The following C1orf87 variants were observed in gnomAD, a reference collection of about 807,000 sequenced individuals.
C1orf87 encodes chromosome 1 open reading frame 87.
C1orf87 carries 58 observed loss-of-function variants against 60.5 expected under a neutral mutation model. The observed-to-expected ratio is 0.96, with a 90% confidence interval of 0.78 to 1.19. The LOEUF (loss-of-function observed/expected upper bound fraction) is 1.19, where lower values mean the gene tolerates loss of function less well. Among genes scored for constraint, C1orf87 ranks in the 50% most tolerant of loss-of-function variants. The probability of loss-of-function intolerance (pLI) is 0.00; values close to 1 mark genes in which losing one functional copy is unlikely to be tolerated. For missense variants in C1orf87, 673 were observed against 638.6 expected, an observed-to-expected ratio of 1.05 and a Z score of -0.58; for synonymous variants, 236 against 227.4, an observed-to-expected ratio of 1.04 and a Z score of -0.34.
rs1324756443 is a variant in C1orf87, at chr1:60,073,760, C to G, written c.-98G>C. The G allele has an allele frequency of 6.6e-6, 1 of 152,422 alleles. No homozygotes were observed. The highest frequency in any genetic ancestry group is 1.5e-5 in the Non-Finnish European group (1 of 68,196). 9.4% of individuals were successfully genotyped at this position (152,422 alleles called of 1,614,324 possible). ...CGTGCTTCTCCCCAGGAAGCTGACA[C>G]TCTCAGACCCGGGGACGGGACGGGG... On this transcript the variant is annotated 5_prime_UTR_variant, in exon 1 of 12. Transcript: ENST00000371201.
chr1:60,014,233 T>C (rs758644030), intron 8 of C1orf87, among the ~76,000 whole-genome samples: 4 of 152,052 alleles, frequency 2.6e-5, no homozygotes, highest in Non-Finnish European at 4.4e-5. Flanking sequence ...ACTTGTGTAA[T>C]TTTCTGGTTG....
chr1:60,040,781 T>G (rs1645317866), intron 4 of C1orf87, among the ~76,000 whole-genome samples: 2 of 144,586 alleles, frequency 1.4e-5, no homozygotes, highest in Non-Finnish European at 1.5e-5. Flanking sequence ...TTTGTAGAGA[T>G]GGGGTCTCAC....
chr1:60,069,252 C>T (rs1384006750), intron 2 of C1orf87, among the ~76,000 whole-genome samples: 1 of 152,084 alleles, frequency 6.6e-6, no homozygotes, highest in Non-Finnish European at 1.5e-5. Flanking sequence ...TGGGGCTTCT[C>T]AAACTGGAAT....
intron 9 of C1orf87, among the ~76,000 whole-genome samples, chr1:60,006,770 A>T (rs1479909263): frequency 1.3e-5 from 2 of 151,974 alleles, no homozygotes; most frequent in Non-Finnish European, 2.9e-5. Context: ...TATTTCTTAG[A>T]TCTGTGGCTT....
chr1:60,027,934 A>G (rs1421640116), intron 7 of C1orf87, among the ~76,000 whole-genome samples: 1 of 152,162 alleles, frequency 6.6e-6, no homozygotes, highest in Non-Finnish European at 1.5e-5. Flanking sequence ...TTTGTTGAGC[A>G]TTTCTACAAG....
chr1:60,053,182 A>G (rs867315863), intron 3 of C1orf87, among the ~76,000 whole-genome samples: 6 of 152,254 alleles, frequency 3.9e-5, no homozygotes, highest in African/African-American at 1.4e-4. Flanking sequence ...ACAGATGTCT[A>G]TATATAAGAG....
chr1:60,057,388 TG>T, intron 2 of C1orf87, among the ~76,000 whole-genome samples: 1 of 152,230 alleles, frequency 6.6e-6, no homozygotes, highest in East Asian at 1.9e-4. Flanking sequence ...TGAAGAAGTT[TG>T]GCTGCAAGAA....
intron 8 of C1orf87, among the ~76,000 whole-genome samples, chr1:60,021,610 T>A (rs912432784): frequency 2.0e-5 from 3 of 152,156 alleles, no homozygotes; most frequent in African/African-American, 7.2e-5. Context: ...CAATAAATAT[T>A]TATTGAGAAC....
At chr1:60,045,645 A>C (rs1318082634) in intron 3 of C1orf87, among the ~76,000 whole-genome samples, 1 of 152,164 alleles carries the variant, frequency 6.6e-6, no homozygotes, top group African/African-American at 2.4e-5. Flanking sequence ...TTTCATCCAC[A>C]TTATTTCAGC....
At chr1:60,057,087 G>A (rs1254104175) in intron 2 of C1orf87, among the ~76,000 whole-genome samples, 2 of 152,122 alleles carry the variant, frequency 1.3e-5, no homozygotes, top group African/African-American at 2.4e-5. Flanking sequence ...GGAAAGATGA[G>A]CCTTAAAAAG....
At chr1:60,042,569 G>A (rs1283340198) in intron 3 of C1orf87, among the ~76,000 whole-genome samples, 2 of 152,176 alleles carry the variant, frequency 1.3e-5, no homozygotes, top group Non-Finnish European at 2.9e-5. Context: ...GTTCTGAATA[G>A]GCATAAAAAT....
intron 11 of C1orf87, among the ~76,000 whole-genome samples, chr1:59,994,280 AAT>A (rs200640131): frequency 0.017 from 2,565 of 151,464 alleles, 35 homozygotes; most frequent in East Asian, 0.042. Flanking sequence ...TAAAAAAAAA[AAT>A]CAAGCAAAAT....
At chr1:60,066,803 T>C (rs1213430682) in intron 2 of C1orf87, among the ~76,000 whole-genome samples, 4 of 152,096 alleles carry the variant, frequency 2.6e-5, no homozygotes, top group Non-Finnish European at 5.9e-5. Flanking sequence ...ATTAGGTATT[T>C]CTTCTAATGT....
At chr1:60,013,137 C>T (rs1185134164) in intron 8 of C1orf87, among the ~76,000 whole-genome samples, 2 of 152,104 alleles carry the variant, frequency 1.3e-5, no homozygotes, top group Non-Finnish European at 2.9e-5. Context: ...ATTTAGCTTA[C>T]ATCACACTGA....
intron 7 of C1orf87, among the ~76,000 whole-genome samples, chr1:60,032,109 A>G (rs1645242343): frequency 1.3e-5 from 2 of 152,176 alleles, no homozygotes; most frequent in African/African-American, 2.4e-5. Context: ...TTTTCAGCAT[A>G]TCATGTCCTT....
At chr1:60,003,414 A>G (rs1212560809) in intron 9 of C1orf87, among the ~76,000 whole-genome samples, 1 of 152,072 alleles carries the variant, frequency 6.6e-6, no homozygotes, top group Admixed American at 6.5e-5. Context: ...TGGCTCATGT[A>G]TACATATGTA....
At chr1:60,021,613 T>A (rs1305579493) in intron 8 of C1orf87, among the ~76,000 whole-genome samples, 2 of 152,188 alleles carry the variant, frequency 1.3e-5, no homozygotes, top group Non-Finnish European at 2.9e-5. Flanking sequence ...TAAATATTTA[T>A]TGAGAACCTA....
At chr1:60,026,720 AC>A (rs1478319328) in intron 7 of C1orf87, among the ~76,000 whole-genome samples, 1 of 152,222 alleles carries the variant, frequency 6.6e-6, no homozygotes, top group African/African-American at 2.4e-5. Flanking sequence ...AATAGCAACT[AC>A]TAAAATTAGC....
At chr1:60,002,116 C>A (rs920877105) in intron 9 of C1orf87, among the ~76,000 whole-genome samples, 1 of 152,062 alleles carries the variant, frequency 6.6e-6, no homozygotes, top group Non-Finnish European at 1.5e-5. Flanking sequence ...ATGCCATTAA[C>A]AAATGTATAT....
Sources: gnomAD v4.1 joint callset for allele counts (sites outside exome capture counted in the v4.1 genomes callset) on GRCh38, gnomAD v4.1.1 for gene constraint, MANE v1.5 for transcripts, NCBI Gene and HGNC (gene_info 2026-07-23, HGNC 2026-07-21) for gene names.